The following FAM184A variants were observed in gnomAD, a reference collection of about 807,000 sequenced individuals.
The protein encoded by FAM184A is protein FAM184A.
In FAM184A, 99 loss-of-function variants were observed where a neutral mutation model predicts 143.8. That is an observed-to-expected ratio of 0.69 (90% CI 0.58 to 0.81). FAM184A has a LOEUF of 0.81. Among genes scored for constraint, FAM184A ranks in the 40% least tolerant of loss-of-function variants. The pLI is 0.00. For synonymous variants in FAM184A, 427 were observed against 446.4 expected, an observed-to-expected ratio of 0.96 and a Z score of 0.55; for missense variants, 1,217 against 1,310.5, an observed-to-expected ratio of 0.93 and a Z score of 1.10.
rs541758862 is a variant in FAM184A at position 119,027,420 on chromosome 6, C to T, written c.160-2607G>A. ...ATAAGAAATATATATTTGGTCTCTTCCCCCAGTTCCTGACATAGAGCTCCT... is the reference window on the plus strand; with the variant it reads ...ATAAGAAATATATATTTGGTCTCTTTCCCCAGTTCCTGACATAGAGCTCCT... On this transcript the variant is annotated intron_variant, in intron 1 of 17. Transcript: ENST00000338891. Among the ~76,000 whole-genome samples, 5 of 152,224 alleles carry T rather than the reference C, an allele frequency of 3.3e-5. No individual in the cohort carries two copies. In the East Asian group the frequency reaches 9.7e-4, roughly 29 times the overall value.
Position 119,044,834 on chromosome 6 carries a change from A to G in FAM184A, c.160-20021T>C, listed in dbSNP as rs569899951. On this transcript the variant is annotated intron_variant, in intron 1 of 17. Transcript: ENST00000338891. ...TCTTAGTTTATCTCATCTATGTTGG[A>G]GTCCTCTAGAGAGTGACAGCTACTG... is the stretch of plus-strand genomic sequence containing the variant. Among the ~76,000 whole-genome samples, 5 of 152,314 alleles carry G rather than the reference A, an allele frequency of 3.3e-5. No individual in the cohort carries two copies. The South Asian group carries it at 1.0e-3, about 32-fold the overall frequency.
chr6:119,103,820 G>T (rs1346597441), intron 1 of FAM184A, among the ~76,000 whole-genome samples: 2 of 151,402 alleles, frequency 1.3e-5, no homozygotes, highest in Admixed American at 6.6e-5. Context: ...CCAGCTACTT[G>T]GGAGGCTGAG....
intron 1 of FAM184A, among the ~76,000 whole-genome samples, chr6:119,128,090 C>T (rs572733110): frequency 6.6e-5 from 10 of 152,240 alleles, no homozygotes; most frequent in African/African-American, 2.2e-4. Flanking sequence ...AGTTTAGGCA[C>T]AACTGACTAC....
At chr6:119,051,082 A>T (rs1273049594) in intron 1 of FAM184A, among the ~76,000 whole-genome samples, 2 of 152,238 alleles carry the variant, frequency 1.3e-5, no homozygotes, top group Non-Finnish European at 2.9e-5. Flanking sequence ...GTTGTACAAC[A>T]AACACCTGTG....
intron 1 of FAM184A, among the ~76,000 whole-genome samples, chr6:119,115,775 C>T (rs921816502): frequency 8.8e-5 from 13 of 148,372 alleles, no homozygotes; most frequent in African/African-American, 3.2e-4. Context: ...CCAGCCTGAC[C>T]AACATGGTGA....
chr6:119,087,916 TA>T (rs1323810693), intron 1 of FAM184A, among the ~76,000 whole-genome samples: 2 of 152,196 alleles, frequency 1.3e-5, no homozygotes, highest in East Asian at 3.8e-4. Flanking sequence ...TATTCAATCT[TA>T]AAAAGAATGA....
chr6:119,120,534 T>G (rs771144522), intron 1 of FAM184A, among the ~76,000 whole-genome samples: 4 of 152,224 alleles, frequency 2.6e-5, no homozygotes, highest in Non-Finnish European at 5.9e-5. Context: ...GGAGTTGCTG[T>G]GTCATATGGT....
At chr6:119,011,286 CA>C in intron 6 of FAM184A, 22 bp downstream of exon 6, 1 of 1,596,810 alleles carries the variant, frequency 6.3e-7, no homozygotes, top group Non-Finnish European at 8.5e-7. Flanking sequence ...ATAACATAGG[CA>C]ACAGGTCTAA....
intron 1 of FAM184A, among the ~76,000 whole-genome samples, chr6:119,059,231 C>T (rs1040368199): frequency 2.0e-5 from 3 of 152,152 alleles, no homozygotes; most frequent in African/African-American, 7.2e-5. Flanking sequence ...CCTCCCACCT[C>T]GGCCTCCCAA....
At chr6:119,031,163 G>A (rs1228494404) in intron 1 of FAM184A, among the ~76,000 whole-genome samples, 1 of 152,044 alleles carries the variant, frequency 6.6e-6, no homozygotes, top group Non-Finnish European at 1.5e-5. Context: ...GGTTTAACAT[G>A]ATACTTAGGT....
intron 1 of FAM184A, chr6:119,069,039 T>C (rs1450184257): frequency 5.1e-6 from 2 of 389,640 alleles, no homozygotes; most frequent in Non-Finnish European, 1.1e-5. Context: ...TGTTGGAAAA[T>C]ATATGTGAAG....
intron 1 of FAM184A, among the ~76,000 whole-genome samples, chr6:119,113,707 G>A (rs1406382391): frequency 2.0e-5 from 3 of 152,084 alleles, no homozygotes; most frequent in Non-Finnish European, 2.9e-5. Flanking sequence ...TTGGGAGGCC[G>A]AGGTGAGTGG....
intron 1 of FAM184A, chr6:119,057,828 C>A (rs776493051): frequency 6.7e-5 from 9 of 134,934 alleles, no homozygotes; most frequent in Non-Finnish European, 1.2e-4. Flanking sequence ...CATTACATTA[C>A]CAACTCTCTT....
chr6:119,033,664 C>CAAAA (rs532353203), intron 1 of FAM184A, among the ~76,000 whole-genome samples: 4 of 110,244 alleles, frequency 3.6e-5, no homozygotes, highest in African/African-American at 1.1e-4. Flanking sequence ...GACTCCGTCT[C>CAAAA]AAAAAAAAAA....
chr6:118,979,171 G>A (rs1196827731), intron 11 of FAM184A, among the ~76,000 whole-genome samples, 194 bp downstream of exon 11: 11 of 152,188 alleles, frequency 7.2e-5, no homozygotes, highest in African/African-American at 2.7e-4. Flanking sequence ...TACAGAGAGA[G>A]CTGAGGGGAA....
intron 1 of FAM184A, among the ~76,000 whole-genome samples, chr6:119,094,598 C>T (rs1438617024): frequency 6.6e-6 from 1 of 152,066 alleles, no homozygotes; most frequent in Admixed American, 6.6e-5. Flanking sequence ...GAATACCATC[C>T]CGAGGGGATG....
intron 1 of FAM184A, among the ~76,000 whole-genome samples, chr6:119,096,662 A>AAAAAAG (rs1788518831): frequency 6.6e-6 from 1 of 151,290 alleles, no homozygotes; most frequent in Admixed American, 6.6e-5. Context: ...AAAAAAAAAA[A>AAAAAAG]AAAAAGAAAG....
chr6:118,990,546 A>C (rs188277178), intron 9 of FAM184A, among the ~76,000 whole-genome samples: 25 of 151,246 alleles, frequency 1.7e-4, no homozygotes, highest in African/African-American at 6.1e-4. Flanking sequence ...GTTTGTTAAT[A>C]CATAACTGAA....
intron 1 of FAM184A, among the ~76,000 whole-genome samples, chr6:119,135,353 G>A (rs1789635044): frequency 1.3e-5 from 2 of 152,154 alleles, no homozygotes; most frequent in African/African-American, 4.8e-5. Flanking sequence ...GAAGTAAATG[G>A]AGAGGAACAC....
Sources: allele counts gnomAD v4.1 joint callset (sites outside exome capture counted in the v4.1 genomes callset), GRCh38; gene constraint gnomAD v4.1.1; transcripts MANE v1.5; gene names NCBI Gene and HGNC (gene_info 2026-07-23, HGNC 2026-07-21).